PLEKHA7: variants seen among roughly 807,000 people sequenced by gnomAD.
The protein encoded by PLEKHA7 is pleckstrin homology domain-containing family A member 7.
In PLEKHA7, 104 loss-of-function variants were observed where a neutral mutation model predicts 170.0. That is an observed-to-expected ratio of 0.61 (90% CI 0.52 to 0.72). The LOEUF (loss-of-function observed/expected upper bound fraction) is 0.72, where lower values mean the gene tolerates loss of function less well. PLEKHA7 is among the 30% of genes least tolerant of loss of function. The pLI is 0.00. For synonymous variants in PLEKHA7, 648 were observed against 660.8 expected (o/e 0.98, Z 0.30); for missense variants, 1,615 against 1,671.7 (o/e 0.97, Z 0.59).
chr11:16,889,400 CAAAAAAAAA>C (rs869268116), intron 3 of PLEKHA7, among the ~76,000 whole-genome samples: 10 of 52,740 alleles, frequency 1.9e-4, no homozygotes, highest in African/African-American at 5.8e-4. Context: ...CTTTATTGCT[CAAAAAAAAA>C]AAAAAAAAAA....
At chr11:16,816,311 C>T in intron 11 of PLEKHA7, 47 bp from the exon 12 acceptor site, 1 of 1,458,156 alleles carries the variant, frequency 6.9e-7, no homozygotes, top group Non-Finnish European at 9.6e-7. Flanking sequence ...AAACCTCTGC[C>T]ACTCACTCCC....
At chr11:16,987,607 G>A (rs1051568122) in intron 3 of PLEKHA7, among the ~76,000 whole-genome samples, 2 of 152,260 alleles carry the variant, frequency 1.3e-5, no homozygotes, top group East Asian at 1.9e-4. Context: ...TGAAGGGAAT[G>A]TAAAACAGCC....
intron 3 of PLEKHA7, among the ~76,000 whole-genome samples, chr11:16,973,745 C>G (rs570210871): frequency 6.6e-6 from 1 of 152,114 alleles, no homozygotes; most frequent in Non-Finnish European, 1.5e-5. Context: ...AAAGTCCATG[C>G]CCTCCCCTGT....
Position 16,906,306 on chromosome 11 carries a change from CCTCTCCCTCTCCCTCCTCTCA to C in PLEKHA7, c.222-35145_222-35125del, listed in dbSNP as rs548907059. Reference sequence around the variant, plus strand: ...AAGAAAGAAAATTGGAAAGGCTCCTCCTCTCCCTCTCCCTCCTCTCACTCTCCCTCTCCCTCTCTTTCCACG... The same window carrying C: ...AAGAAAGAAAATTGGAAAGGCTCCTCCTCTCCCTCTCCCTCTCTTTCCACG... On this transcript the variant is annotated intron_variant, in intron 3 of 26. Transcript: ENST00000531066. Among the ~76,000 whole-genome samples the C allele has an allele frequency of 9.2e-3, 1,286 of 139,570 alleles. 27 individuals are homozygous for C. Among genetic ancestry groups the C allele is most frequent in the Admixed American group, 0.015 (206 of 14,052 alleles). 91.6% of individuals were successfully genotyped at this position (139,570 alleles called of 152,430 possible).
intron 3 of PLEKHA7, among the ~76,000 whole-genome samples, chr11:16,902,059 T>A (rs1330046552): frequency 6.6e-6 from 1 of 152,202 alleles, no homozygotes; most frequent in African/African-American, 2.4e-5. Flanking sequence ...TTCCCTATTC[T>A]GGACATTCCA....
At chr11:16,992,526 C>T (rs1261957636) in intron 3 of PLEKHA7, among the ~76,000 whole-genome samples, 1 of 152,138 alleles carries the variant, frequency 6.6e-6, no homozygotes, top group African/African-American at 2.4e-5. Context: ...GAGGCCGAGG[C>T]AGGAGGATCA....
Position 16,982,318 on chromosome 11 carries a change from C to T in PLEKHA7, c.221+31671G>A, listed in dbSNP as rs114843372. Among the ~76,000 whole-genome samples the T allele has an allele frequency of 3.4e-3, 515 of 152,330 alleles. 3 individuals are homozygous for T. Among genetic ancestry groups the T allele is most frequent in the African/African-American group, 0.012 (497 of 41,588 alleles). Reference sequence around the variant, plus strand: ...CAGGGCAGAGACAGACCTGTGTGTCCAGCCACCTCTGGGACACAGGCAAGC... The same window carrying T: ...CAGGGCAGAGACAGACCTGTGTGTCTAGCCACCTCTGGGACACAGGCAAGC... On this transcript the variant is annotated intron_variant, in intron 3 of 26. Coordinates refer to ENST00000531066, the MANE Select transcript of PLEKHA7 (RefSeq NM_001329630.2).
chr11:16,802,162 G>A (rs779545447), intron 15 of PLEKHA7, among the ~76,000 whole-genome samples: 1 of 152,186 alleles, frequency 6.6e-6, no homozygotes, highest in African/African-American at 2.4e-5. Flanking sequence ...CTAGGGAAAA[G>A]AGTATATTGT....
intron 3 of PLEKHA7, among the ~76,000 whole-genome samples, chr11:16,977,204 GTTCAAAAGC>G (rs1266255164): frequency 1.3e-5 from 2 of 152,146 alleles, no homozygotes; most frequent in African/African-American, 2.4e-5. Flanking sequence ...TCAACTCCTT[GTTCAAAAGC>G]TTACGACAGC....
chr11:16,960,503 G>A (rs1164726301), intron 3 of PLEKHA7, among the ~76,000 whole-genome samples: 2 of 152,158 alleles, frequency 1.3e-5, no homozygotes, highest in African/African-American at 4.8e-5. Context: ...AACAAGCACT[G>A]CAGAAGGTCA....
intron 3 of PLEKHA7, among the ~76,000 whole-genome samples, chr11:16,959,920 C>A (rs1861942554): frequency 6.6e-6 from 1 of 152,100 alleles, no homozygotes; most frequent in African/African-American, 2.4e-5. Context: ...CCAAGCCCAA[C>A]TGAAGGAGCC....
At position 16,854,894 on chromosome 11, in the gene PLEKHA7, T is replaced by C; in HGVS notation, c.517A>G (p.Lys173Glu). ...TCACTCCTCGGCTTCCTCACCTGCT[T>C]GTGCAGCCAGCCCCTCACCACCACG... is the stretch of plus-strand genomic sequence containing the variant. ...VPVVVRGWLH[K>E]QDSSGMRLWK... Residue 173 changes from lysine to glutamate, a missense_variant, in exon 6 of 27, where the codon AAG becomes GAG. Coordinates refer to ENST00000531066, the MANE Select transcript of PLEKHA7 (RefSeq NM_001329630.2). The C allele has an allele frequency of 6.2e-7, 1 of 1,613,800 alleles. No individual in the cohort carries two copies. The highest frequency in any genetic ancestry group is 8.5e-7 in the Non-Finnish European group (1 of 1,179,746).
chr11:16,911,940 A>G (rs1858276933), intron 3 of PLEKHA7, among the ~76,000 whole-genome samples: 1 of 152,142 alleles, frequency 6.6e-6, no homozygotes, highest in Non-Finnish European at 1.5e-5. Context: ...CAGCCAGAGC[A>G]CACCCTGGTA....
At chr11:16,901,203 T>C (rs1262146782) in intron 3 of PLEKHA7, among the ~76,000 whole-genome samples, 1 of 152,094 alleles carries the variant, frequency 6.6e-6, no homozygotes, top group Admixed American at 6.6e-5. Context: ...CATTTTTGGT[T>C]CCCTACTTAT....
chr11:16,962,357 T>C (rs1862114928), intron 3 of PLEKHA7, among the ~76,000 whole-genome samples: 2 of 152,214 alleles, frequency 1.3e-5, no homozygotes, highest in Admixed American at 1.3e-4. Context: ...GAGCAGTAAG[T>C]GCCCAATATC....
chr11:16,947,674 G>C lies in PLEKHA7; in HGVS notation c.221+66315C>G, dbSNP rs565082687. Reference sequence around the variant, plus strand: ...CTCACACTTGTAATCCCAGCACTTTGGGAGGCTGAGGCGGGTGGATTGCCT... The same window carrying C: ...CTCACACTTGTAATCCCAGCACTTTCGGAGGCTGAGGCGGGTGGATTGCCT... On this transcript the variant is annotated intron_variant, in intron 3 of 26. Coordinates refer to ENST00000531066, the MANE Select transcript of PLEKHA7 (RefSeq NM_001329630.2). Among the ~76,000 whole-genome samples, 30 of 151,994 alleles carry C rather than the reference G, an allele frequency of 2.0e-4. 1 individual carries two copies. In the South Asian group the frequency reaches 6.0e-3, roughly 30 times the overall value.
rs4756863 is a variant in PLEKHA7, at chr11:16,778,891, G to A, written c.*107C>T. 0.087 allele frequency: 61,013 copies of A among 699,040 alleles called. 3,141 individuals carry two copies. The highest frequency in any genetic ancestry group is 0.1 in the Non-Finnish European group (38,375 of 382,520). 43.3% of individuals were successfully genotyped at this position (699,040 alleles called of 1,614,324 possible). A position where few individuals can be genotyped will look rare whatever the true frequency, so the allele number is the denominator to read the frequency against. On this transcript the variant is annotated 3_prime_UTR_variant, in exon 27 of 27. Transcript: ENST00000531066. Reference sequence around the variant, plus strand: ...GGTAAGCTGCTCCTTCCTCCGGCCGGATTCCCTGCTCAGCTGGAAGGGGTT... The same window carrying A: ...GGTAAGCTGCTCCTTCCTCCGGCCGAATTCCCTGCTCAGCTGGAAGGGGTT...
intron 3 of PLEKHA7, among the ~76,000 whole-genome samples, chr11:16,910,774 G>C (rs764301704): frequency 3.3e-5 from 5 of 152,166 alleles, no homozygotes; most frequent in Non-Finnish European, 5.9e-5. Context: ...AATCAACAAG[G>C]GCATTCTCCA....
intron 3 of PLEKHA7, among the ~76,000 whole-genome samples, chr11:16,997,393 A>G (rs2137008296): frequency 6.6e-6 from 1 of 152,164 alleles, no homozygotes; most frequent in South Asian, 2.1e-4. Flanking sequence ...AGAAGAGCCC[A>G]TTTTCCCAAT....
Sources: gnomAD v4.1 joint callset for allele counts (sites outside exome capture counted in the v4.1 genomes callset) on GRCh38, gnomAD v4.1.1 for gene constraint, MANE v1.5 for transcripts, NCBI Gene and HGNC (gene_info 2026-07-23, HGNC 2026-07-21) for gene names.